The following GUCY1A2 variants were observed in gnomAD, a reference collection of about 807,000 sequenced individuals.
GUCY1A2 encodes guanylate cyclase soluble subunit alpha-2.
Under a neutral mutation model 63.5 loss-of-function variants are expected in GUCY1A2, and 27 were observed. The ratio of observed to expected loss-of-function variants is 0.43; its 90% CI spans 0.31 to 0.59. GUCY1A2 has a LOEUF of 0.59. Ranked by LOEUF, GUCY1A2 falls within the 20% of genes least tolerant of loss-of-function variation. The pLI, the probability that GUCY1A2 is intolerant of heterozygous loss-of-function variation, is 0.11. For synonymous variants in GUCY1A2, 364 were observed against 343.5 expected, an observed-to-expected ratio of 1.06 and a Z score of -0.66; for missense variants, 768 against 913.3, an observed-to-expected ratio of 0.84 and a Z score of 2.05.
chr11:106,866,526 C>T (rs751386237), intron 4 of GUCY1A2, among the ~76,000 whole-genome samples: 1 of 152,046 alleles, frequency 6.6e-6, no homozygotes, highest in Admixed American at 6.6e-5. Context: ...GAAGAGAATG[C>T]GGATGAGCCA....
At chr11:107,013,579 G>C (rs917055079) in intron 1 of GUCY1A2, among the ~76,000 whole-genome samples, 1 of 152,084 alleles carries the variant, frequency 6.6e-6, no homozygotes, top group African/African-American at 2.4e-5. Flanking sequence ...ACAGAGTCTC[G>C]CTGTCACCCA....
intron 4 of GUCY1A2, among the ~76,000 whole-genome samples, chr11:106,834,763 C>T (rs1859095570): frequency 6.6e-6 from 1 of 151,954 alleles, no homozygotes; most frequent in Non-Finnish European, 1.5e-5. Context: ...AAAGCGCATA[C>T]TTAAGATAGG....
intron 4 of GUCY1A2, among the ~76,000 whole-genome samples, chr11:106,857,877 A>G (rs1859458822): frequency 6.6e-6 from 1 of 152,236 alleles, no homozygotes; most frequent in Non-Finnish European, 1.5e-5. Flanking sequence ...TGCAAATACT[A>G]TACCATTTTA....
At chr11:106,806,991 T>C (rs924623705) in intron 5 of GUCY1A2, among the ~76,000 whole-genome samples, 1 of 152,150 alleles carries the variant, frequency 6.6e-6, no homozygotes, top group African/African-American at 2.4e-5. Context: ...GAGACTAGTA[T>C]CTCATGTCGT....
At chr11:107,013,128 T>G (rs1281835185) in intron 1 of GUCY1A2, among the ~76,000 whole-genome samples, 1 of 149,386 alleles carries the variant, frequency 6.7e-6, no homozygotes, top group Non-Finnish European at 1.5e-5. Flanking sequence ...TCTTCACTAG[T>G]CTCTGTTTCT....
chr11:106,882,752 T>C (rs1215399013), intron 4 of GUCY1A2, among the ~76,000 whole-genome samples: 1 of 151,990 alleles, frequency 6.6e-6, no homozygotes, highest in Non-Finnish European at 1.5e-5. Context: ...CATCAAAATG[T>C]GTCCCCAAAA....
chr11:106,710,705 A>G (rs931242036), intron 6 of GUCY1A2, among the ~76,000 whole-genome samples: 13 of 152,010 alleles, frequency 8.6e-5, no homozygotes, highest in Non-Finnish European at 1.2e-4. Context: ...ATTAAACACG[A>G]TAACAGTAAT....
intron 4 of GUCY1A2, among the ~76,000 whole-genome samples, chr11:106,931,088 T>C (rs1860594839): frequency 6.6e-6 from 1 of 152,212 alleles, no homozygotes; most frequent in South Asian, 2.1e-4. Context: ...AATTGAAGAT[T>C]ATAAAAGACA....
intron 4 of GUCY1A2, chr11:106,936,814 A>C (rs1204177204): frequency 1.6e-6 from 1 of 619,008 alleles, no homozygotes; most frequent in Non-Finnish European, 2.8e-6. Context: ...AAGAAGGAAT[A>C]AATATAAATT....
intron 5 of GUCY1A2, among the ~76,000 whole-genome samples, chr11:106,780,479 G>A (rs989312919): frequency 1.3e-5 from 2 of 152,136 alleles, no homozygotes; most frequent in Non-Finnish European, 2.9e-5. Context: ...GGGAGAAACT[G>A]TGCCACATCT....
At chr11:106,916,722 C>T (rs1860374631) in intron 4 of GUCY1A2, among the ~76,000 whole-genome samples, 1 of 145,398 alleles carries the variant, frequency 6.9e-6, no homozygotes, top group Non-Finnish European at 1.5e-5. Context: ...TTATCTACTG[C>T]TAAGTAAACT....
intron 5 of GUCY1A2, among the ~76,000 whole-genome samples, chr11:106,796,182 A>G (rs964187618): frequency 1.3e-5 from 2 of 151,840 alleles, no homozygotes; most frequent in Non-Finnish European, 2.9e-5. Context: ...CCATCCCTTT[A>G]TTTTGAGCCT....
chr11:106,820,198 T>A (rs1858882960), intron 4 of GUCY1A2, among the ~76,000 whole-genome samples: 1 of 152,160 alleles, frequency 6.6e-6, no homozygotes, highest in African/African-American at 2.4e-5. Flanking sequence ...CTTTCCCCCA[T>A]AGGGCTATTT....
intron 6 of GUCY1A2, among the ~76,000 whole-genome samples, chr11:106,712,335 C>T (rs1372942656): frequency 1.3e-5 from 2 of 152,150 alleles, no homozygotes; most frequent in African/African-American, 4.8e-5. Context: ...TGTAATTTTC[C>T]TCTATAGAAG....
At chr11:106,729,799 C>T (rs189627710) in intron 6 of GUCY1A2, among the ~76,000 whole-genome samples, 1 of 151,932 alleles carries the variant, frequency 6.6e-6, no homozygotes, top group Admixed American at 6.6e-5. Context: ...ATAATTTCCC[C>T]TCTACATGTC....
intron 7 of GUCY1A2, among the ~76,000 whole-genome samples, chr11:106,688,803 A>G (rs556775588): frequency 6.6e-6 from 1 of 152,318 alleles, no homozygotes; most frequent in East Asian, 1.9e-4. Context: ...AGGCATATAC[A>G]GTTTCAACAA....
intron 4 of GUCY1A2, among the ~76,000 whole-genome samples, chr11:106,862,433 C>T (rs943049674): frequency 2.6e-5 from 4 of 151,920 alleles, no homozygotes; most frequent in Admixed American, 2.0e-4. Flanking sequence ...AGCATCCCAG[C>T]CAGAAGCATC....
chr11:106,805,500 C>G (rs1450468340), intron 5 of GUCY1A2, among the ~76,000 whole-genome samples: 1 of 152,204 alleles, frequency 6.6e-6, no homozygotes, highest in Non-Finnish European at 1.5e-5. Flanking sequence ...CCCACCTCGG[C>G]CTCCCAAAGT....
chr11:106,711,468 A>G lies in GUCY1A2; in HGVS notation c.1837-2802T>C, dbSNP rs1168442179. Among the ~76,000 whole-genome samples, 4 of 152,288 alleles carry G rather than the reference A, an allele frequency of 2.6e-5. No individual in the cohort carries two copies. The East Asian group carries it at 7.7e-4, about 29-fold the overall frequency. On this transcript the variant is annotated intron_variant, in intron 6 of 7. Transcript: ENST00000526355. ...ATAGACTTTTATTTGTCTTTCAATA[A>G]TAGTTCCTAGATGGGTCATCCAGAT...
Sources: gnomAD v4.1 joint callset for allele counts (sites outside exome capture counted in the v4.1 genomes callset) on GRCh38, gnomAD v4.1.1 for gene constraint, MANE v1.5 for transcripts, NCBI Gene and HGNC (gene_info 2026-07-23, HGNC 2026-07-21) for gene names.